The following PCDH15 variants were observed in gnomAD, a reference collection of about 807,000 sequenced individuals.
PCDH15 encodes the protein protocadherin related 15, also known as protocadherin-15.
A neutral mutation model predicts 178.5 loss-of-function variants in PCDH15; 129 were observed. The observed-to-expected ratio is 0.72, with a 90% CI of 0.63 to 0.84. The LOEUF is 0.84. Among genes scored for constraint, PCDH15 ranks in the 40% least tolerant of loss-of-function variants. The pLI, the probability that PCDH15 is intolerant of heterozygous loss-of-function variation, is 0.00. For synonymous variants in PCDH15, 800 were observed against 732.0 expected (o/e 1.09, Z -1.50); for missense variants, 2,230 against 2,099.9 (o/e 1.06, Z -1.21).
intron 3 of PCDH15, among the ~76,000 whole-genome samples, chr10:54,450,146 T>C (rs972380226): frequency 6.8e-6 from 1 of 146,526 alleles, no homozygotes; most frequent in Non-Finnish European, 1.5e-5. Flanking sequence ...TATATATATA[T>C]ATATATATAT....
At chr10:54,962,838 G>A (rs1838690619) in intron 2 of PCDH15, among the ~76,000 whole-genome samples, 1 of 152,172 alleles carries the variant, frequency 6.6e-6, no homozygotes, top group Non-Finnish European at 1.5e-5. Context: ...GGCCAAGTGG[G>A]TGGAATGAGC....
intron 1 of PCDH15, among the ~76,000 whole-genome samples, chr10:55,253,278 G>A (rs1841895760): frequency 6.6e-6 from 1 of 151,430 alleles, no homozygotes; most frequent in Admixed American, 6.6e-5. Context: ...GTGCATGCAA[G>A]TAAGAACTTA....
intron 2 of PCDH15, among the ~76,000 whole-genome samples, chr10:55,537,431 GTATGTATT>G (rs1283429706): frequency 8.2e-5 from 12 of 146,312 alleles, no homozygotes; most frequent in African/African-American, 2.7e-4. Context: ...ATGTATGTAT[GTATGTATT>G]TATTTATTTA....
intron 2 of PCDH15, among the ~76,000 whole-genome samples, chr10:54,571,342 A>G (rs1478892974): frequency 6.7e-3 from 12 of 1,778 alleles, no homozygotes; most frequent in Non-Finnish European, 0.034. Context: ...TGAAAAAAAA[A>G]AAAAAAAAAA....
chr10:53,873,285 C>G (rs1187062388), intron 26 of PCDH15, among the ~76,000 whole-genome samples: 3 of 152,342 alleles, frequency 2.0e-5, no homozygotes, highest in Non-Finnish European at 4.4e-5. Context: ...GACTCCATCT[C>G]AGATCAACAA....
At chr10:55,174,691 A>T (rs6481149) in intron 1 of PCDH15, among the ~76,000 whole-genome samples, 2 of 151,484 alleles carry the variant, frequency 1.3e-5, no homozygotes. Context: ...AGGCGAGTCC[A>T]GTTTCTCTGG....
intron 2 of PCDH15, among the ~76,000 whole-genome samples, chr10:55,443,326 G>T (rs1839239055): frequency 6.6e-6 from 1 of 152,052 alleles, no homozygotes; most frequent in African/African-American, 2.4e-5. Flanking sequence ...GAGAGCAAAA[G>T]AAACTATCAT....
intron 2 of PCDH15, among the ~76,000 whole-genome samples, chr10:55,502,670 T>C (rs2132141250): frequency 6.6e-6 from 1 of 151,782 alleles, no homozygotes; most frequent in Non-Finnish European, 1.5e-5. Flanking sequence ...GACTCTATTC[T>C]AGGCTCTAAC....
intron 2 of PCDH15, among the ~76,000 whole-genome samples, chr10:54,979,740 T>G (rs887542785): frequency 6.6e-6 from 1 of 151,186 alleles, no homozygotes. Flanking sequence ...GTGATACATA[T>G]ATACAATGAA....
At chr10:54,843,145 C>T (rs1400018555) in intron 3 of PCDH15, among the ~76,000 whole-genome samples, 1 of 151,852 alleles carries the variant, frequency 6.6e-6, no homozygotes, top group East Asian at 1.9e-4. Context: ...AAAAGTCAAT[C>T]TTAATAAAGC....
chr10:54,949,670 T>C (rs973964040), intron 2 of PCDH15, among the ~76,000 whole-genome samples: 1 of 152,034 alleles, frequency 6.6e-6, no homozygotes, highest in Non-Finnish European at 1.5e-5. Flanking sequence ...TGTGAATGCA[T>C]ACAACTGAAT....
chr10:54,636,909 C>T (rs2093867060), intron 2 of PCDH15, among the ~76,000 whole-genome samples: 1 of 151,860 alleles, frequency 6.6e-6, no homozygotes, highest in Non-Finnish European at 1.5e-5. Flanking sequence ...CATATCAAGG[C>T]AAACTATAGC....
chr10:54,190,933 G>A (rs1437683717), intron 11 of PCDH15, among the ~76,000 whole-genome samples: 1 of 152,132 alleles, frequency 6.6e-6, no homozygotes, highest in African/African-American at 2.4e-5. Flanking sequence ...GCTGGCAAAT[G>A]GAAGATTTAA....
At chr10:55,070,818 T>G (rs4253984) in intron 2 of PCDH15, among the ~76,000 whole-genome samples, 1 of 151,404 alleles carries the variant, frequency 6.6e-6, no homozygotes, top group Non-Finnish European at 1.5e-5. Flanking sequence ...GTGAAGAAAG[T>G]CATTGGTAGC....
chr10:54,875,668 G>C (rs538112477), intron 3 of PCDH15, among the ~76,000 whole-genome samples: 1 of 152,144 alleles, frequency 6.6e-6, no homozygotes, highest in Non-Finnish European at 1.5e-5. Flanking sequence ...CAAACCAGGT[G>C]CAACATTCCT....
chr10:55,420,855 G>A (rs577039256), intron 2 of PCDH15, among the ~76,000 whole-genome samples: 90 of 151,426 alleles, frequency 5.9e-4, no homozygotes, highest in Admixed American at 1.9e-3. Flanking sequence ...AATAACCAAG[G>A]AACTTACCAC....
At position 54,696,682 on chromosome 10, in the gene PCDH15, G is replaced by GA. The variant is rs141524677; in HGVS notation, c.-28-32393dup. ...GATTCTTTCAAATCAGAAAATAAAT[G>GA]AAAAAAAAAACCGCCCTATTTTTGT... On this transcript the variant is annotated intron_variant, in intron 1 of 37. Transcript: ENST00000644397. Among the ~76,000 whole-genome samples, 694 of 145,040 alleles carry GA rather than the reference G, an allele frequency of 4.8e-3. 5 individuals carry two copies. The highest frequency in any genetic ancestry group is 0.025 in the Middle Eastern group (7 of 284).
At chr10:53,849,483 G>A (rs2078202505) in intron 28 of PCDH15, among the ~76,000 whole-genome samples, 1 of 151,986 alleles carries the variant, frequency 6.6e-6, no homozygotes, top group African/African-American at 2.4e-5. Context: ...GACCCTTTAC[G>A]GAATCAATAT....
chr10:54,603,380 T>C (rs557806769), intron 2 of PCDH15, among the ~76,000 whole-genome samples: 4 of 152,102 alleles, frequency 2.6e-5, no homozygotes, highest in African/African-American at 9.6e-5. Context: ...TTAAAATTTA[T>C]TTTTTGCCTT....
Sources: gnomAD v4.1 joint callset for allele counts (sites outside exome capture counted in the v4.1 genomes callset) on GRCh38, gnomAD v4.1.1 for gene constraint, MANE v1.5 for transcripts, NCBI Gene and HGNC (gene_info 2026-07-23, HGNC 2026-07-21) for gene names.